Variants in CPAP observed in about 807,000 individuals in gnomAD.
The protein encoded by CPAP is centrosome assembly and centriole elongation protein.
chr13:24,897,204 T>G, the CPAP span, among the ~76,000 whole-genome samples: 3 of 152,124 alleles, frequency 2.0e-5, no homozygotes, highest in African/African-American at 4.8e-5. Context: ...ATTGAGCCCC[T>G]GCACTCCAGT....
chr13:24,913,543 C>CTGGCAG, the CPAP span, among the ~76,000 whole-genome samples: 2 of 152,190 alleles, frequency 1.3e-5, no homozygotes, highest in Non-Finnish European at 2.9e-5. Flanking sequence ...CTGGCTTTAC[C>CTGGCAG]TGGCAGTTTC....
chr13:24,883,763 G>C, the CPAP span, among the ~76,000 whole-genome samples: 2 of 152,140 alleles, frequency 1.3e-5, no homozygotes, highest in African/African-American at 2.4e-5. Context: ...AATCTGTTTT[G>C]AAAGAATGGA....
At chr13:24,887,617 C>G in the CPAP span, among the ~76,000 whole-genome samples, 2 of 152,120 alleles carry the variant, frequency 1.3e-5, no homozygotes, top group African/African-American at 4.8e-5. Context: ...CAGGGCTCCC[C>G]CTGATTCTAC....
At chr13:24,906,148 G>C in the CPAP span, 2 of 1,613,652 alleles carry the variant, frequency 1.2e-6, no homozygotes, top group Non-Finnish European at 1.7e-6. Context: ...AATGACTAAT[G>C]GGATCTGCCG....
the CPAP span, chr13:24,913,007 AG>A: frequency 2.5e-6 from 4 of 1,614,062 alleles, no homozygotes; most frequent in South Asian, 4.4e-5. Flanking sequence ...AACTCTGAAG[AG>A]GTTGGCATCA....
At chr13:24,910,423 C>T in the CPAP span, among the ~76,000 whole-genome samples, 3 of 152,178 alleles carry the variant, frequency 2.0e-5, no homozygotes, top group African/African-American at 7.2e-5. Context: ...TAGGGTTTCA[C>T]CATGTTGGCC....
the CPAP span, chr13:24,884,533 A>C: frequency 6.8e-7 from 1 of 1,481,402 alleles, no homozygotes; most frequent in Non-Finnish European, 9.4e-7. Flanking sequence ...TCTCCTCCCA[A>C]CTGCCTACTT....
the CPAP span, among the ~76,000 whole-genome samples, chr13:24,915,522 G>A: frequency 1.3e-5 from 2 of 152,240 alleles, no homozygotes; most frequent in African/African-American, 2.4e-5. Context: ...GAGAGGAGGC[G>A]GCTGGGCGCA....
the CPAP span, among the ~76,000 whole-genome samples, chr13:24,902,758 G>A: frequency 0.011 from 1,632 of 152,256 alleles, 32 homozygotes; most frequent in African/African-American, 0.038. Context: ...GGACACTAAC[G>A]AAAGACTTGC....
chr13:24,889,187 A>T, the CPAP span: 1 of 742,380 alleles, frequency 1.3e-6, no homozygotes, highest in Non-Finnish European at 2.4e-6. Context: ...AGCTTCAATT[A>T]CATTTATTAA....
chr13:24,895,414 A>G, the CPAP span, among the ~76,000 whole-genome samples: 1 of 146,056 alleles, frequency 6.8e-6, no homozygotes, highest in South Asian at 2.2e-4. Flanking sequence ...TCTCTACTAA[A>G]AATACAAAAA....
chr13:24,910,190 C>A, the CPAP span: 87 of 1,037,132 alleles, frequency 8.4e-5, no homozygotes, highest in Admixed American at 1.8e-4. Context: ...ACAGTGACAA[C>A]AGTATTTTTT....
the CPAP span, chr13:24,906,309 C>CA: frequency 6.2e-7 from 1 of 1,603,210 alleles, no homozygotes; most frequent in East Asian, 2.2e-5. Context: ...AACAAAAATT[C>CA]ATCTAATTCC....
the CPAP span, among the ~76,000 whole-genome samples, chr13:24,895,072 C>T: frequency 7.2e-5 from 11 of 152,238 alleles, no homozygotes; most frequent in Non-Finnish European, 1.3e-4. Flanking sequence ...GCAGAGGCGG[C>T]TGCCAGGTCC....
At chr13:24,926,588 C>T in the CPAP span, among the ~76,000 whole-genome samples, 17 of 152,088 alleles carry the variant, frequency 1.1e-4, no homozygotes, top group African/African-American at 4.1e-4. Context: ...CCTACCTGAC[C>T]GCCTCCTCCT....
At chr13:24,902,628 A>G in the CPAP span, among the ~76,000 whole-genome samples, 1 of 152,198 alleles carries the variant, frequency 6.6e-6, no homozygotes, top group Non-Finnish European at 1.5e-5. Flanking sequence ...GGTTTTAGAA[A>G]AGAAATACGG....
the CPAP span, chr13:24,905,880 C>A: frequency 1.2e-6 from 2 of 1,614,178 alleles, no homozygotes; most frequent in Non-Finnish European, 1.7e-6. Flanking sequence ...CTCTCTCTAT[C>A]CTCAGTCGAT....
chr13:24,882,396 A>AATT, the CPAP span: 1 of 152,014 alleles, frequency 6.6e-6, no homozygotes, highest in African/African-American at 2.4e-5. Flanking sequence ...ACCAATCTGT[A>AATT]ATTATTTATT....
At chr13:24,883,397 C>CTT in the CPAP span, 1 of 1,491,442 alleles carries the variant, frequency 6.7e-7, no homozygotes. Context: ...AATATGATTT[C>CTT]TTAAAAAAAA....
Sources: allele counts gnomAD v4.1 joint callset (sites outside exome capture counted in the v4.1 genomes callset), GRCh38; gene constraint gnomAD v4.1.1; transcripts MANE v1.5; gene names NCBI Gene and HGNC (gene_info 2026-07-23, HGNC 2026-07-21).